CDK14: variants seen among roughly 807,000 people sequenced by gnomAD.
The protein encoded by CDK14 is cyclin dependent kinase 14.
Under a neutral mutation model 60.7 loss-of-function variants are expected in CDK14, and 34 were observed. The ratio of observed to expected loss-of-function variants is 0.56; its 90% confidence interval spans 0.43 to 0.75. The LOEUF (loss-of-function observed/expected upper bound fraction) is 0.75. CDK14 is among the 30% of genes least tolerant of loss of function. The pLI, the probability that CDK14 is intolerant of heterozygous loss-of-function variation, is 0.00. For missense variants in CDK14, 482 were observed against 564.1 expected (o/e 0.85, Z 1.47); for synonymous variants, 197 against 203.7 (o/e 0.97, Z 0.28).
chr7:90,774,944 G>T lies in CDK14; in HGVS notation c.465-15629G>T, dbSNP rs544017412. ...CAAAATCTCTAGTTAATACTATTTG[G>T]CAATGAGTAGTACTTGGGGACTCCT... is the stretch of plus-strand genomic sequence containing the variant. On this transcript the variant is annotated intron_variant, in intron 4 of 14. Transcript: ENST00000380050. Among the ~76,000 whole-genome samples, 35 of 152,210 alleles carry T rather than the reference G, an allele frequency of 2.3e-4. 1 individual carries two copies. In the South Asian group the frequency reaches 5.4e-3, roughly 24 times the overall value.
intron 2 of CDK14, among the ~76,000 whole-genome samples, chr7:90,621,427 C>G (rs1001053643): frequency 6.6e-6 from 1 of 152,228 alleles, no homozygotes; most frequent in African/African-American, 2.4e-5. Flanking sequence ...AAAATACTCT[C>G]TTCCCCCTGC....
chr7:90,765,375 A>G (rs970964548), intron 4 of CDK14, among the ~76,000 whole-genome samples: 1 of 152,238 alleles, frequency 6.6e-6, no homozygotes, highest in African/African-American at 2.4e-5. Flanking sequence ...AATGTGTATC[A>G]TCTCAGTGAA....
chr7:91,139,814 CTTT>C (rs1283170073), intron 14 of CDK14, among the ~76,000 whole-genome samples: 2 of 132,896 alleles, frequency 1.5e-5, no homozygotes, highest in Non-Finnish European at 3.3e-5. Context: ...TTCTTTCTTT[CTTT>C]TCTTTTCTTT....
At chr7:90,753,595 C>G (rs1032055594) in intron 4 of CDK14, among the ~76,000 whole-genome samples, 1 of 152,138 alleles carries the variant, frequency 6.6e-6, no homozygotes, top group Non-Finnish European at 1.5e-5. Flanking sequence ...GATACCCACT[C>G]TCGCCGCTCC....
At chr7:90,879,020 T>C (rs561874008) in intron 6 of CDK14, among the ~76,000 whole-genome samples, 2 of 152,336 alleles carry the variant, frequency 1.3e-5, no homozygotes, top group African/African-American at 4.8e-5. Flanking sequence ...AAAAAGAATA[T>C]GTCTCTCTTC....
intron 9 of CDK14, among the ~76,000 whole-genome samples, chr7:90,965,149 C>A (rs1794713856): frequency 6.6e-6 from 1 of 152,104 alleles, no homozygotes; most frequent in African/African-American, 2.4e-5. Context: ...ACTTCATTTG[C>A]TCCCCACTCA....
intron 7 of CDK14, among the ~76,000 whole-genome samples, chr7:90,909,513 T>C (rs984632364): frequency 1.4e-5 from 2 of 146,524 alleles, no homozygotes. Context: ...GATCTTCTTT[T>C]ACAGAACTTG....
chr7:91,016,702 G>A (rs779562439), intron 10 of CDK14, among the ~76,000 whole-genome samples: 6 of 152,168 alleles, frequency 3.9e-5, no homozygotes, highest in Non-Finnish European at 8.8e-5. Flanking sequence ...CAAATCCACT[G>A]CTACTATGTA....
At chr7:91,085,356 C>T (rs1281999053) in intron 12 of CDK14, among the ~76,000 whole-genome samples, 1 of 152,130 alleles carries the variant, frequency 6.6e-6, no homozygotes, top group African/African-American at 2.4e-5. Flanking sequence ...TCAACGCCTC[C>T]TGCATGCTTC....
In CDK14 at chr7:90,901,827, T is replaced by C. The variant is rs1317125427; in HGVS notation, c.702+2474T>C. Among the ~76,000 whole-genome samples the C allele has an allele frequency of 2.0e-5, 3 of 151,812 alleles. No individual in the cohort carries two copies. The East Asian group carries it at 5.8e-4, about 29-fold the overall frequency. Reference sequence around the variant, plus strand: ...TTGGAAAAGAAGTCCTCTGATCATCTCTCCTTGCAGACCAAGTAATCTTAT... The same window carrying C: ...TTGGAAAAGAAGTCCTCTGATCATCCCTCCTTGCAGACCAAGTAATCTTAT... On this transcript the variant is annotated intron_variant, in intron 7 of 14. Transcript: ENST00000380050.
intron 14 of CDK14, among the ~76,000 whole-genome samples, chr7:91,188,703 G>A (rs1802264062): frequency 6.6e-6 from 1 of 152,140 alleles, no homozygotes; most frequent in African/African-American, 2.4e-5. Flanking sequence ...TGGTTATAGA[G>A]AAACTAGTCA....
At chr7:90,751,617 C>CTA (rs1303822275) in intron 4 of CDK14, among the ~76,000 whole-genome samples, 1 of 152,138 alleles carries the variant, frequency 6.6e-6, no homozygotes, top group African/African-American at 2.4e-5. Flanking sequence ...ACAATAGAAA[C>CTA]TATAATGCAA....
chr7:90,751,625 C>CA (rs1040226507), intron 4 of CDK14, among the ~76,000 whole-genome samples: 2 of 152,080 alleles, frequency 1.3e-5, no homozygotes, highest in African/African-American at 4.8e-5. Context: ...AACTATAATG[C>CA]AACCAAGTAA....
At chr7:90,880,651 C>A (rs1479270812) in intron 6 of CDK14, among the ~76,000 whole-genome samples, 1 of 152,116 alleles carries the variant, frequency 6.6e-6, no homozygotes, top group Non-Finnish European at 1.5e-5. Flanking sequence ...CGGGGGTAGT[C>A]AGACACCCTA....
chr7:90,836,941 G>A (rs1361898907), intron 5 of CDK14, among the ~76,000 whole-genome samples: 1 of 152,200 alleles, frequency 6.6e-6, no homozygotes, highest in African/African-American at 2.4e-5. Flanking sequence ...TTCTGTACCT[G>A]CTGAGCAGCA....
At position 90,683,911 on chromosome 7, in the gene CDK14, TG is replaced by T. The variant is rs1801375993; in HGVS notation, c.124-42655del. Among the ~76,000 whole-genome samples, 5 of 151,674 alleles carry T rather than the reference TG, an allele frequency of 3.3e-5. No individual in the cohort carries two copies. The South Asian group carries it at 1.0e-3, about 32-fold the overall frequency. On this transcript the variant is annotated intron_variant, in intron 2 of 14. Coordinates refer to ENST00000380050, the MANE Select transcript of CDK14 (RefSeq NM_001287135.2). ...TAGAAAATGTACGTGTGTGTGTGTGTGTGTGTGTGTGTGTGTGTGTGTATGC... is the reference window on the plus strand; with the variant it reads ...TAGAAAATGTACGTGTGTGTGTGTGTTGTGTGTGTGTGTGTGTGTGTATGC...
At chr7:91,002,249 A>G (rs2115757270) in intron 10 of CDK14, among the ~76,000 whole-genome samples, 2 of 152,364 alleles carry the variant, frequency 1.3e-5, no homozygotes, top group Non-Finnish European at 1.5e-5. Flanking sequence ...TCCAAGGAAC[A>G]TACTATGAGA....
intron 14 of CDK14, among the ~76,000 whole-genome samples, chr7:91,121,526 A>C (rs145159239): frequency 5.9e-4 from 90 of 152,306 alleles, no homozygotes; most frequent in African/African-American, 2.1e-3. Context: ...TACCAAGGTC[A>C]CTTCAATTAT....
intron 9 of CDK14, among the ~76,000 whole-genome samples, chr7:90,957,175 C>T (rs947632933): frequency 6.6e-6 from 1 of 151,482 alleles, no homozygotes; most frequent in African/African-American, 2.4e-5. Context: ...TTCTAGATCC[C>T]TGAGGAATCG....
Sources: allele counts gnomAD v4.1 joint callset (sites outside exome capture counted in the v4.1 genomes callset), GRCh38; gene constraint gnomAD v4.1.1; transcripts MANE v1.5; gene names NCBI Gene and HGNC (gene_info 2026-07-23, HGNC 2026-07-21).